Variants in SORCS2 observed in about 807,000 individuals in gnomAD.
SORCS2 encodes VPS10 domain-containing receptor SorCS2.
SORCS2 carries 100 observed loss-of-function variants against 141.6 expected under a neutral mutation model. The observed-to-expected ratio is 0.71, with a 90% CI of 0.60 to 0.83. SORCS2 has a LOEUF of 0.83. Among genes scored for constraint, SORCS2 ranks in the 40% least tolerant of loss-of-function variants. The probability of loss-of-function intolerance (pLI) is 0.00; values close to 1 mark genes in which losing one functional copy is unlikely to be tolerated. For synonymous variants in SORCS2, 789 were observed against 676.9 expected, an observed-to-expected ratio of 1.17 and a Z score of -2.57; for missense variants, 1,646 against 1,560.2, an observed-to-expected ratio of 1.05 and a Z score of -0.93.
rs565881939 is a variant in SORCS2, at chr4:7,225,372, C to T, written c.480+32246C>T. On this transcript the variant is annotated intron_variant, in intron 1 of 26. Coordinates refer to ENST00000507866, the MANE Select transcript of SORCS2 (RefSeq NM_020777.3). Reference sequence around the variant, plus strand: ...GCCCTGCTCTTGGCTCAGAGCAGACCGGAATCGTTCTCTGTTGAATGCAAA... The same window carrying T: ...GCCCTGCTCTTGGCTCAGAGCAGACTGGAATCGTTCTCTGTTGAATGCAAA... Among the ~76,000 whole-genome samples the T allele has an allele frequency of 7.2e-5, 11 of 152,320 alleles. No individual in the cohort carries two copies. In the East Asian group the frequency reaches 1.9e-3, roughly 27 times the overall value.
rs1038623446 is a variant in SORCS2, at chr4:7,640,407, G to T, written c.813+1915G>T. ...GTGTGTGGGTGTGTGAGTGTGTGTG[G>T]GTGAGTGTGTGTGATCGTGTGTGTG... On this transcript the variant is annotated intron_variant, in intron 4 of 26. Coordinates refer to ENST00000507866, the MANE Select transcript of SORCS2 (RefSeq NM_020777.3). Among the ~76,000 whole-genome samples the T allele has an allele frequency of 2.2e-4, 29 of 129,994 alleles. 1 individual carries two copies. In the East Asian group the frequency reaches 5.8e-3, roughly 26 times the overall value. 85.3% of individuals were successfully genotyped at this position (129,994 alleles called of 152,430 possible).
chr4:7,255,125 C>T (rs138315563), intron 1 of SORCS2, among the ~76,000 whole-genome samples: 11 of 152,102 alleles, frequency 7.2e-5, no homozygotes, highest in African/African-American at 2.2e-4. Flanking sequence ...TTCAGGCTTC[C>T]ATTCACCCAC....
At chr4:7,654,052 T>C in intron 4 of SORCS2, 82 bp from the exon 5 acceptor site, 2 of 1,234,808 alleles carry the variant, frequency 1.6e-6, no homozygotes, top group South Asian at 1.3e-5. Flanking sequence ...GGATCTGCTG[T>C]GGTGAAGACA....
intron 1 of SORCS2, among the ~76,000 whole-genome samples, chr4:7,257,853 G>C (rs1237422736): frequency 6.6e-6 from 1 of 152,192 alleles, no homozygotes; most frequent in African/African-American, 2.4e-5. Flanking sequence ...TTCAGTCAAC[G>C]AGAGGCGCCG....
intron 2 of SORCS2, among the ~76,000 whole-genome samples, chr4:7,468,755 T>C (rs1729779730): frequency 6.6e-6 from 1 of 152,158 alleles, no homozygotes; most frequent in Non-Finnish European, 1.5e-5. Flanking sequence ...ATTGTCAGCA[T>C]TGTTTGGGGG....
At chr4:7,562,489 G>A (rs1160839578) in intron 3 of SORCS2, among the ~76,000 whole-genome samples, 3 of 152,164 alleles carry the variant, frequency 2.0e-5, no homozygotes, top group Non-Finnish European at 4.4e-5. Flanking sequence ...GTTGGCAAAC[G>A]TTTTCTGTAA....
intron 19 of SORCS2, among the ~76,000 whole-genome samples, chr4:7,724,941 ATGGTGG>A (rs1727086823): frequency 2.2e-4 from 14 of 63,938 alleles, no homozygotes; most frequent in African/African-American, 7.3e-4. Context: ...AGTAGTGGTG[ATGGTGG>A]TGGTGTTGGT....
chr4:7,399,782 C>T (rs1353172833), intron 2 of SORCS2, among the ~76,000 whole-genome samples: 1 of 152,130 alleles, frequency 6.6e-6, no homozygotes, highest in African/African-American at 2.4e-5. Flanking sequence ...ACAAGAAAGT[C>T]ACTTAGAAAA....
chr4:7,680,045 C>A (rs1264462151), intron 9 of SORCS2, among the ~76,000 whole-genome samples: 2 of 152,226 alleles, frequency 1.3e-5, no homozygotes, highest in South Asian at 2.1e-4. Context: ...AGGGCAGAAG[C>A]CCTCTGGGTG....
At chr4:7,634,335 T>C (rs1380064613) in intron 3 of SORCS2, among the ~76,000 whole-genome samples, 1 of 150,118 alleles carries the variant, frequency 6.7e-6, no homozygotes. Context: ...ATCGTGCCGC[T>C]GCACTCCAGC....
At chr4:7,395,964 CT>C (rs1724183659) in intron 1 of SORCS2, among the ~76,000 whole-genome samples, 1 of 152,240 alleles carries the variant, frequency 6.6e-6, no homozygotes, top group African/African-American at 2.4e-5. Context: ...CTGGCACTCC[CT>C]TTGCCACAGT....
chr4:7,519,070 C>T (rs1372891835), intron 2 of SORCS2, among the ~76,000 whole-genome samples: 3 of 152,046 alleles, frequency 2.0e-5, no homozygotes, highest in Admixed American at 2.0e-4. Flanking sequence ...TGTCACCCGC[C>T]GTGGCTCTTG....
In SORCS2 at chr4:7,462,753, C is replaced by T. The variant is rs576637348; in HGVS notation, c.548+66398C>T. ...CCAGCTGGGCCCCAGCCCCTGTGCA[C>T]GGAAGAAGCCGGTGCACACTTGCAG... On this transcript the variant is annotated intron_variant, in intron 2 of 26. Transcript: ENST00000507866. Among the ~76,000 whole-genome samples the T allele has an allele frequency of 5.3e-5, 8 of 151,516 alleles. 1 individual carries two copies. The East Asian group carries it at 5.9e-4, about 11-fold the overall frequency.
At chr4:7,724,222 A>AG (rs1232632616) in intron 19 of SORCS2, among the ~76,000 whole-genome samples, 1 of 140,848 alleles carries the variant, frequency 7.1e-6, no homozygotes, top group African/African-American at 2.8e-5. Flanking sequence ...TGATGATTAT[A>AG]GTGGAGGTGG....
In SORCS2 at chr4:7,567,175, C is replaced by A. The variant is rs531699383; in HGVS notation, c.648+35546C>A. ...ATAGAGTTCCTATATCCCTTGCCCA[C>A]AATTTCCTGTTATTAACATCTGACA... On this transcript the variant is annotated intron_variant, in intron 3 of 26. Coordinates refer to ENST00000507866, the MANE Select transcript of SORCS2 (RefSeq NM_020777.3). 2.4e-4 allele frequency among the ~76,000 whole-genome samples: 36 copies of A among 152,352 alleles called. No individual in the cohort carries two copies. The South Asian group carries it at 5.6e-3, about 24-fold the overall frequency.
intron 1 of SORCS2, among the ~76,000 whole-genome samples, chr4:7,275,553 G>A (rs1481324863): frequency 6.6e-6 from 1 of 152,136 alleles, no homozygotes; most frequent in Non-Finnish European, 1.5e-5. Context: ...GGGTCAACGT[G>A]GGTGCAGTTT....
At chr4:7,403,979 ATATATATATATATATATATT>A (rs1560256670) in intron 2 of SORCS2, among the ~76,000 whole-genome samples, 1 of 17,884 alleles carries the variant, frequency 5.6e-5, no homozygotes, top group African/African-American at 2.0e-4. Flanking sequence ...ATATATATAT[ATATATATATATATATATATT>A]TTTTTTTTTT....
intron 1 of SORCS2, among the ~76,000 whole-genome samples, chr4:7,353,670 G>A (rs546224324): frequency 1.9e-4 from 29 of 152,262 alleles, no homozygotes; most frequent in Non-Finnish European, 3.7e-4. Flanking sequence ...GATGGCCCCC[G>A]ATGGCTTTGG....
chr4:7,222,058 C>G (rs1728733386), intron 1 of SORCS2, among the ~76,000 whole-genome samples: 1 of 152,052 alleles, frequency 6.6e-6, no homozygotes, highest in Admixed American at 6.6e-5. Context: ...GGCTTTGGAG[C>G]CCACCAGACA....
Sources: gnomAD v4.1 joint callset for allele counts (sites outside exome capture counted in the v4.1 genomes callset) on GRCh38, gnomAD v4.1.1 for gene constraint, MANE v1.5 for transcripts, NCBI Gene and HGNC (gene_info 2026-07-23, HGNC 2026-07-21) for gene names.